OVCH1: variants seen among roughly 807,000 people sequenced by gnomAD.
OVCH1 encodes the protein ovochymase-1.
OVCH1 carries 139 observed loss-of-function variants against 138.4 expected under a neutral mutation model. The ratio of observed to expected loss-of-function variants is 1.00; its 90% confidence interval spans 0.87 to 1.16. The LOEUF (loss-of-function observed/expected upper bound fraction) is 1.16. OVCH1 is among the 50% of genes most tolerant of loss of function. OVCH1 has a pLI of 0.00. For synonymous variants in OVCH1, 453 were observed against 467.8 expected (o/e 0.97, Z 0.41); for missense variants, 1,367 against 1,357.9 (o/e 1.01, Z -0.11).
rs560751245 is a variant in OVCH1, at chr12:29,489,798, C to A, written c.551-27G>T. The A allele has an allele frequency of 2.9e-5, 46 of 1,596,338 alleles. No individual in the cohort carries two copies. In the African/African-American group the frequency reaches 5.6e-4, roughly 19 times the overall value. ...TGTAGAGAGAGGACAGATAAGTTAG[C>A]ACACAATATCCTCATGGAAACAAAT... On this transcript the variant is annotated intron_variant, in intron 5 of 27. Transcript: ENST00000318184.
At position 29,416,650 on chromosome 12, in the gene OVCH1, A is replaced by G. The variant is rs1478684976; in HGVS notation, c.*72-3925T>C. On this transcript the variant is annotated intron_variant and NMD_transcript_variant, in intron 3 of 4. Coordinates refer to the OVCH1 transcript ENST00000539117. ...TAACATTTTTTTAAAAAAGAATGAC[A>G]ATGGCAAATGCTAGTGAGGATGCAG... 3.3e-5 allele frequency among the ~76,000 whole-genome samples: 5 copies of G among 152,218 alleles called. No homozygotes were observed. In the East Asian group the frequency reaches 9.6e-4, roughly 29 times the overall value.
exon 5 of OVCH1, chr12:29,491,180 T>C: frequency 6.2e-7 from 1 of 1,613,542 alleles, no homozygotes; most frequent in Admixed American, 1.7e-5. Flanking sequence ...ACAGATTGGC[T>C]GAACAGCATT....
At chr12:29,491,027 A>G (rs1268546824) in intron 5 of OVCH1, 70 bp downstream of exon 5, 4 of 1,339,856 alleles carry the variant, frequency 3.0e-6, no homozygotes, top group Non-Finnish European at 3.2e-6. Flanking sequence ...ATGGTCAACA[A>G]AATTATTTCT....
At chr12:29,484,127 A>C (rs1419953058) in intron 8 of OVCH1, among the ~76,000 whole-genome samples, 1 of 152,224 alleles carries the variant, frequency 6.6e-6, no homozygotes, top group East Asian at 1.9e-4. Context: ...ACTTGCAGAA[A>C]GATTTTCTAA....
At chr12:29,461,774 C>G in intron 19 of OVCH1, 80 bp downstream of exon 19, 1 of 1,552,224 alleles carries the variant, frequency 6.4e-7, no homozygotes, top group Non-Finnish European at 8.9e-7. Flanking sequence ...GTGATTTCAG[C>G]AATGGTTTCT....
intron 4 of OVCH1, among the ~76,000 whole-genome samples, chr12:29,491,954 ATC>A (rs989302400): frequency 9.8e-5 from 15 of 152,330 alleles, no homozygotes; most frequent in South Asian, 4.1e-4. Context: ...AAAGAAAAAT[ATC>A]TCTGTCTTGG....
intron 1 of OVCH1, 52 bp downstream of exon 1, chr12:29,497,571 C>CCAGCACGCT (rs2136106088): frequency 1.2e-6 from 2 of 1,604,024 alleles, no homozygotes; most frequent in South Asian, 2.2e-5. Context: ...TCTTCCCTCT[C>CCAGCACGCT]CAGCACGCTC....
At chr12:29,471,015 T>G (rs1460330079) in intron 16 of OVCH1, among the ~76,000 whole-genome samples, 1 of 152,180 alleles carries the variant, frequency 6.6e-6, no homozygotes, top group Non-Finnish European at 1.5e-5. Context: ...CATAAATGTC[T>G]TTTTTGAGAA....
chr12:29,448,474 C>T lies in OVCH1; in HGVS notation c.2755+2871G>A, dbSNP rs376643498. On this transcript the variant is annotated intron_variant, in intron 22 of 27. Coordinates refer to ENST00000318184, the Ensembl canonical transcript of OVCH1. ...CCATCAAGAATTGAAGGACATGAGG[C>T]ACAAGGATGAGAAGGAGCTCTTCAA... 8.4e-4 allele frequency among the ~76,000 whole-genome samples: 127 copies of T among 152,000 alleles called. 4 individuals carry two copies. In the South Asian group the frequency reaches 0.026, roughly 31 times the overall value.
At chr12:29,464,619 G>T in exon 18 of OVCH1, 1 of 1,613,646 alleles carries the variant, frequency 6.2e-7, no homozygotes, top group Non-Finnish European at 8.5e-7. Context: ...CCAGAGGAGA[G>T]CTTAGTTGTA....
At chr12:29,412,778 T>C (rs1940977025) in intron 3 of OVCH1, 1 of 152,206 alleles carries the variant, frequency 6.6e-6, no homozygotes, top group African/African-American at 2.4e-5. Context: ...ATCTATAGGA[T>C]TGATGTTAAT....
At chr12:29,423,908 T>C (rs1391266137), downstream of OVCH1, among the ~76,000 whole-genome samples, 44 of 152,114 alleles carry the variant, frequency 2.9e-4, no homozygotes, top group Non-Finnish European at 8.8e-5. Context: ...AGTAAAGGGG[T>C]TCTGGGTAGA....
In OVCH1 at chr12:29,444,243, A is replaced by C. The variant is rs1941558810; in HGVS notation, c.2919T>G (p.Ser973Arg). The change falls in exon 24 of 28, where the codon AGT becomes AGG. Residue 973 changes from serine to arginine, a missense_variant. Physicochemically the swap from Ser to Arg is moderately radical, Grantham distance 110. Transcript: ENST00000318184. The stretch of plus-strand genomic sequence containing the variant: ...AAGGGACCAAGTGCTCTCTGTTTGA[A>C]CTTTGGGAAAGTCTGGTTATTTTAC... 7 of 1,612,322 alleles carry C rather than the reference A, an allele frequency of 4.3e-6. No homozygotes were observed. The East Asian group carries it at 1.3e-4, about 31-fold the overall frequency.
chr12:29,454,327 A>G (rs1941883244), intron 21 of OVCH1, among the ~76,000 whole-genome samples: 2 of 152,192 alleles, frequency 1.3e-5, no homozygotes, highest in African/African-American at 4.8e-5. Flanking sequence ...GACCATTTGG[A>G]AACCAAGAGT....
intron 16 of OVCH1, among the ~76,000 whole-genome samples, chr12:29,469,679 A>G (rs1424327861): frequency 6.6e-6 from 1 of 151,674 alleles, no homozygotes; most frequent in Non-Finnish European, 1.5e-5. Context: ...CAAGAGTTCA[A>G]GACCAGTCTG....
At chr12:29,408,704 G>A, downstream of OVCH1, among the ~76,000 whole-genome samples, 6 of 141,850 alleles carry the variant, frequency 4.2e-5, no homozygotes, top group African/African-American at 1.0e-4. Context: ...GCTGGATTCG[G>A]TTTGCCAGTA....
intron 25 of OVCH1, among the ~76,000 whole-genome samples, chr12:29,442,952 T>G (rs1052320926): frequency 1.3e-5 from 2 of 151,882 alleles, no homozygotes; most frequent in Admixed American, 6.6e-5. Context: ...AAAAAGAAAA[T>G]AATGAGTTTA....
chr12:29,459,830 T>C (rs1158497378), intron 19 of OVCH1, among the ~76,000 whole-genome samples: 1 of 152,118 alleles, frequency 6.6e-6, no homozygotes. Flanking sequence ...TAGCAAAGAA[T>C]AACAGGATAC....
chr12:29,497,200 T>C (rs1278328345), intron 1 of OVCH1, among the ~76,000 whole-genome samples: 1 of 152,094 alleles, frequency 6.6e-6, no homozygotes, highest in African/African-American at 2.4e-5. Flanking sequence ...GCCCTGGAGT[T>C]TGAGGGAGCC....
Sources: allele counts gnomAD v4.1 joint callset (sites outside exome capture counted in the v4.1 genomes callset), GRCh38; gene constraint gnomAD v4.1.1; transcripts MANE v1.5; gene names NCBI Gene and HGNC (gene_info 2026-07-23, HGNC 2026-07-21).